Variants in ATP10A observed in about 807,000 individuals in gnomAD.
ATP10A encodes the protein phospholipid-transporting ATPase VA.
A neutral mutation model predicts 147.8 loss-of-function variants in ATP10A; 111 were observed. The ratio of observed to expected loss-of-function variants is 0.75; its 90% CI spans 0.64 to 0.88. ATP10A has a LOEUF of 0.88. Ranked by LOEUF, ATP10A falls within the 40% of genes least tolerant of loss-of-function variation. The probability of loss-of-function intolerance (pLI) is 0.00; values close to 1 mark genes in which losing one functional copy is unlikely to be tolerated. For synonymous variants in ATP10A, 875 were observed against 841.6 expected (o/e 1.04, Z -0.69); for missense variants, 1,927 against 1,959.0 (o/e 0.98, Z 0.31).
chr15:25,701,419 A>G (rs919560300), intron 13 of ATP10A, among the ~76,000 whole-genome samples: 1 of 152,200 alleles, frequency 6.6e-6, no homozygotes, highest in African/African-American at 2.4e-5. Context: ...TGCTCCATTC[A>G]AGAAGCCTGA....
chr15:25,743,191 A>G (rs1161164028), intron 2 of ATP10A, among the ~76,000 whole-genome samples: 1 of 152,228 alleles, frequency 6.6e-6, no homozygotes, highest in Non-Finnish European at 1.5e-5. Flanking sequence ...TTAGAGGCCA[A>G]CTGGGATGGA....
At chr15:25,775,656 A>G (rs1889569069) in intron 2 of ATP10A, among the ~76,000 whole-genome samples, 1 of 152,256 alleles carries the variant, frequency 6.6e-6, no homozygotes, top group African/African-American at 2.4e-5. Flanking sequence ...AAGCCTGACA[A>G]TGACTACTCC....
chr15:25,811,298 AGAG>A (rs1033435092), intron 1 of ATP10A, among the ~76,000 whole-genome samples: 4 of 152,194 alleles, frequency 2.6e-5, no homozygotes, highest in Non-Finnish European at 5.9e-5. Context: ...GTGAGAGGAA[AGAG>A]GAGGACAGAG....
intron 1 of ATP10A, among the ~76,000 whole-genome samples, chr15:25,785,394 A>G (rs1439115907): frequency 6.6e-6 from 1 of 152,218 alleles, no homozygotes; most frequent in Non-Finnish European, 1.5e-5. Flanking sequence ...CATCCTGCCC[A>G]CACCTCGGTG....
chr15:25,703,554 G>T (rs1179877492), intron 12 of ATP10A, among the ~76,000 whole-genome samples: 1 of 152,196 alleles, frequency 6.6e-6, no homozygotes, highest in Admixed American at 6.5e-5. Flanking sequence ...TCCCCAGTCT[G>T]TGGTATTGTG....
At chr15:25,768,149 T>C (rs1302249511) in intron 2 of ATP10A, among the ~76,000 whole-genome samples, 4 of 152,078 alleles carry the variant, frequency 2.6e-5, no homozygotes, top group Non-Finnish European at 5.9e-5. Flanking sequence ...TGGGCCGGCA[T>C]GACGAGGAAA....
chr15:25,864,193 G>A (rs936620177), upstream of ATP10A, among the ~76,000 whole-genome samples: 11 of 152,194 alleles, frequency 7.2e-5, no homozygotes, highest in Admixed American at 1.3e-4. Context: ...AGTGTGGGGC[G>A]AAGGGCTCCC....
intron 1 of ATP10A, among the ~76,000 whole-genome samples, chr15:25,849,450 T>C (rs752534074): frequency 3.9e-5 from 6 of 152,160 alleles, no homozygotes; most frequent in Non-Finnish European, 7.4e-5. Flanking sequence ...CTGCATGCAG[T>C]AGTTGGGAAC....
At chr15:25,720,482 C>T (rs900295431) in intron 7 of ATP10A, among the ~76,000 whole-genome samples, 2 of 152,126 alleles carry the variant, frequency 1.3e-5, no homozygotes, top group African/African-American at 4.8e-5. Context: ...GGTCTCTGAT[C>T]CCCTCAGGAC....
intron 3 of ATP10A, among the ~76,000 whole-genome samples, chr15:25,734,742 G>A (rs1347523393): frequency 1.3e-5 from 2 of 152,308 alleles, no homozygotes; most frequent in Admixed American, 6.5e-5. Context: ...ATCGGTGTCT[G>A]ATTCTCAGAT....
chr15:25,855,706 T>C (rs1390248917), intron 1 of ATP10A, among the ~76,000 whole-genome samples: 1 of 152,042 alleles, frequency 6.6e-6, no homozygotes, highest in Non-Finnish European at 1.5e-5. Flanking sequence ...GCCAGGGCAA[T>C]CAGGCAAGAA....
chr15:25,722,914 G>A (rs4906753), intron 6 of ATP10A, among the ~76,000 whole-genome samples: 93,928 of 152,034 alleles, frequency 0.62, 32,084 homozygotes, highest in Non-Finnish European at 0.76. Context: ...GTGTCAGGGA[G>A]GCATGCGAAT....
chr15:25,818,845 C>T (rs186114820), intron 1 of ATP10A, among the ~76,000 whole-genome samples: 6 of 152,192 alleles, frequency 3.9e-5, no homozygotes, highest in Non-Finnish European at 8.8e-5. Context: ...AAAAGGACAC[C>T]CTTTTCAATA....
At chr15:25,723,068 G>A (rs4906755) in intron 6 of ATP10A, among the ~76,000 whole-genome samples, 133,755 of 152,246 alleles carry the variant, frequency 0.88, 59,743 homozygotes, top group East Asian at 0.99. Flanking sequence ...AAAGGACTAG[G>A]CCGGGTGCAG....
rs141318775 is a variant in ATP10A, at chr15:25,718,255, C to T, written c.1508G>A (p.Arg503Gln). 1.7e-4 allele frequency: 279 copies of T among 1,612,858 alleles called. No homozygotes were observed. The African/African-American group carries it at 3.0e-3, about 17-fold the overall frequency. The change falls in exon 8 of 21, where the codon CGG becomes CAG. Residue 503 changes from arginine to glutamine, a missense_variant. Coordinates refer to ENST00000555815, the MANE Select transcript of ATP10A (RefSeq NM_024490.4). ...VHRTQSTKSHRRTGSRAEAKR... is the reference protein window; with the variant it reads ...VHRTQSTKSHQRTGSRAEAKR... ...GGCCTCGGCCCGGCTGCCCGTGCGC[C>T]GGTGGGACTTGGTGCTCTGGGTTCT...
At chr15:25,769,114 T>C (rs1460340823) in intron 2 of ATP10A, among the ~76,000 whole-genome samples, 1 of 152,152 alleles carries the variant, frequency 6.6e-6, no homozygotes, top group South Asian at 2.1e-4. Context: ...AAACACACTC[T>C]AATCAGATTT....
At position 25,718,291 on chromosome 15, in the gene ATP10A, C is replaced by G; in HGVS notation, c.1472G>C (p.Arg491Pro). 1 of 1,612,156 alleles carries G rather than the reference C, an allele frequency of 6.2e-7. No homozygotes were observed. The highest frequency in any genetic ancestry group is 8.5e-7 in the Non-Finnish European group (1 of 1,179,930). ...RGSIGSHQSV[R>P]VVHRTQSTKS... Reference sequence around the variant, plus strand: ...GGTGCTCTGGGTTCTGTGCACCACCCGGACACTCTGGTGGCTGCCGATGCT... The same window carrying G: ...GGTGCTCTGGGTTCTGTGCACCACCGGGACACTCTGGTGGCTGCCGATGCT... The change falls in exon 8 of 21, where the codon CGG (arginine) becomes CCG (proline). Residue 491 changes from arginine to proline, a missense_variant. Coordinates refer to ENST00000555815, the MANE Select transcript of ATP10A (RefSeq NM_024490.4).
chr15:25,856,382 C>T (rs1209362054), intron 1 of ATP10A, among the ~76,000 whole-genome samples: 1 of 152,172 alleles, frequency 6.6e-6, no homozygotes, highest in Non-Finnish European at 1.5e-5. Context: ...CCTGAGGCCT[C>T]CCCAGCCATG....
intron 2 of ATP10A, among the ~76,000 whole-genome samples, chr15:25,748,392 A>T (rs1887961737): frequency 6.6e-6 from 1 of 151,198 alleles, no homozygotes; most frequent in Admixed American, 6.6e-5. Context: ...TAACACAAAA[A>T]GAGAAAAATC....
Sources: gnomAD v4.1 joint callset for allele counts (sites outside exome capture counted in the v4.1 genomes callset) on GRCh38, gnomAD v4.1.1 for gene constraint, MANE v1.5 for transcripts, NCBI Gene and HGNC (gene_info 2026-07-23, HGNC 2026-07-21) for gene names.